Variants in PPP2R5C observed in about 807,000 individuals in gnomAD.
PPP2R5C encodes serine/threonine-protein phosphatase 2A 56 kDa regulatory subunit gamma isoform.
Under a neutral mutation model 68.9 loss-of-function variants are expected in PPP2R5C, and 7 were observed. That is an observed-to-expected ratio of 0.10 (90% CI 0.06 to 0.19). The LOEUF (loss-of-function observed/expected upper bound fraction) is 0.19. Among genes scored for constraint, PPP2R5C ranks in the 10% least tolerant of loss-of-function variants. The probability of loss-of-function intolerance (pLI) is 1.00; values close to 1 mark genes in which losing one functional copy is unlikely to be tolerated. For missense variants in PPP2R5C, 348 were observed against 641.3 expected (o/e 0.54, Z 4.94); for synonymous variants, 210 against 222.2 (o/e 0.95, Z 0.49).
chr14:101,775,824 C>G (rs1222953668), intron 2 of PPP2R5C, among the ~76,000 whole-genome samples: 2 of 152,230 alleles, frequency 1.3e-5, no homozygotes, highest in African/African-American at 4.8e-5. Context: ...TTCCTTGTCT[C>G]CAGACACCCC....
At chr14:101,760,996 C>G (rs1415343504), upstream of PPP2R5C, among the ~76,000 whole-genome samples, 9 of 80,600 alleles carry the variant, frequency 1.1e-4, no homozygotes, top group Non-Finnish European at 1.8e-4. Flanking sequence ...AGGGGACGGG[C>G]TGGTCGAGAG....
intron 1 of PPP2R5C, among the ~76,000 whole-genome samples, chr14:101,827,160 G>A (rs2040450995): frequency 1.3e-5 from 2 of 151,674 alleles, no homozygotes; most frequent in South Asian, 4.2e-4. Context: ...ATTTTTAGTA[G>A]ACACAGAGTT....
At chr14:101,919,969 C>CAAAAAAAAAAAAAAAA (rs34641396) in intron 13 of PPP2R5C, among the ~76,000 whole-genome samples, 11 of 52,870 alleles carry the variant, frequency 2.1e-4, no homozygotes, top group African/African-American at 7.2e-4. Flanking sequence ...AACTCCGTCT[C>CAAAAAAAAAAAAAAAA]AAAAAAAAAA....
chr14:101,908,847 A>G lies in PPP2R5C; in HGVS notation c.1152-742A>G, dbSNP rs751602921. ...TTCTTTTAAGTGTTTTCTAAGTACA[A>G]CTTGGGTTTTATTACAAAGTGGATT... On this transcript the variant is annotated intron_variant, in intron 10 of 13. Transcript: ENST00000334743. 2.6e-5 allele frequency among the ~76,000 whole-genome samples: 4 copies of G among 152,210 alleles called. No homozygotes were observed. The South Asian group carries it at 6.2e-4, about 24-fold the overall frequency.
Position 101,899,067 on chromosome 14 carries a change from G to A in PPP2R5C, c.853-2652G>A, listed in dbSNP as rs1394761213. On this transcript the variant is annotated intron_variant, in intron 8 of 13. Coordinates refer to ENST00000334743, the Ensembl canonical transcript of PPP2R5C. This position sits in a 1 kb window ranked among gnomAD's most constrained non-coding sequence, Gnocchi z 4.2. The stretch of plus-strand genomic sequence containing the variant: ...TAGAAGACTGAGATATGAAGGACAT[G>A]TGTTGCCCCATTTGTAGCCTGTAAT... Among the ~76,000 whole-genome samples the A allele has an allele frequency of 6.6e-6, 1 of 152,224 alleles. No homozygotes were observed. The highest frequency in any genetic ancestry group is 1.5e-5 in the Non-Finnish European group (1 of 68,042).
At chr14:101,795,987 T>C (rs967579326) in intron 3 of PPP2R5C, among the ~76,000 whole-genome samples, 46 of 152,042 alleles carry the variant, frequency 3.0e-4, no homozygotes, top group African/African-American at 1.1e-3. Flanking sequence ...CACGCACAGC[T>C]AATTTTTGTA....
At position 101,835,523 on chromosome 14, in the gene PPP2R5C, C is replaced by T. The variant is rs919037158; in HGVS notation, c.95-21163C>T. Among the ~76,000 whole-genome samples, 1 of 152,206 alleles carries T rather than the reference C, an allele frequency of 6.6e-6. No homozygotes were observed. Among genetic ancestry groups the T allele is most frequent in the Non-Finnish European group, 1.5e-5 (1 of 68,034 alleles). On this transcript the variant is annotated intron_variant, in intron 1 of 13. Transcript: ENST00000334743. The surrounding 1 kb of genome is among the most constrained non-coding windows in gnomAD (Gnocchi z 5.0). ...TCCTTCCCACTTGTCATCTGTAATA[C>T]TGGCTAATGGGAAACCTGGCCCATG... is the stretch of plus-strand genomic sequence containing the variant.
At chr14:101,893,611 A>G (rs57788343) in intron 7 of PPP2R5C, among the ~76,000 whole-genome samples, 5,420 of 152,306 alleles carry the variant, frequency 0.036, 207 homozygotes, top group East Asian at 0.098. Flanking sequence ...CTAGCCGGGC[A>G]TGGTGGCACA....
chr14:101,765,400 G>A (rs1017672060), intron 2 of PPP2R5C: 3 of 619,206 alleles, frequency 4.8e-6, no homozygotes, highest in Non-Finnish European at 8.7e-6. Flanking sequence ...TCAGCTCACT[G>A]CTTCACTTCT....
At chr14:101,792,457 C>G (rs907566210) in intron 3 of PPP2R5C, among the ~76,000 whole-genome samples, 1 of 152,212 alleles carries the variant, frequency 6.6e-6, no homozygotes, top group African/African-American at 2.4e-5. Flanking sequence ...AACATTTACT[C>G]TAACGTTCTT....
At chr14:101,783,834 G>A (rs564450991) in intron 2 of PPP2R5C, among the ~76,000 whole-genome samples, 16 of 152,334 alleles carry the variant, frequency 1.1e-4, no homozygotes, top group South Asian at 2.1e-4. Flanking sequence ...ACTGGAACAC[G>A]CACGTATGTG....
At chr14:101,814,270 A>T (rs1345321030) in intron 1 of PPP2R5C, among the ~76,000 whole-genome samples, 1 of 152,230 alleles carries the variant, frequency 6.6e-6, no homozygotes, top group Non-Finnish European at 1.5e-5. Context: ...TTTACTATGT[A>T]ACTGCAGCTC....
intron 2 of PPP2R5C, among the ~76,000 whole-genome samples, chr14:101,869,606 C>G (rs1033235096): frequency 2.0e-5 from 3 of 152,156 alleles, no homozygotes; most frequent in Non-Finnish European, 4.4e-5. Flanking sequence ...GTCCTTTTAT[C>G]TCATTTTGAT....
intron 2 of PPP2R5C, among the ~76,000 whole-genome samples, chr14:101,770,845 G>A (rs910513609): frequency 1.3e-5 from 2 of 152,264 alleles, no homozygotes; most frequent in African/African-American, 2.4e-5. Flanking sequence ...GGAGCTGAGT[G>A]AGTCAGTCTG....
Position 101,915,988 on chromosome 14 carries a change from C to G in PPP2R5C, c.1327-1843C>G, listed in dbSNP as rs2046645424. On this transcript the variant is annotated intron_variant, in intron 12 of 13. Transcript: ENST00000334743. This position sits in a 1 kb window ranked among gnomAD's most constrained non-coding sequence, Gnocchi z 4.2. The stretch of plus-strand genomic sequence containing the variant: ...GCAGAGGTAGAGAAAAGCAGGGACA[C>G]AGTGGGTGACAGGTGTCGGTCCTGG... Among the ~76,000 whole-genome samples, 1 of 152,096 alleles carries G rather than the reference C, an allele frequency of 6.6e-6. No individual in the cohort carries two copies. Among genetic ancestry groups the G allele is most frequent in the Non-Finnish European group, 1.5e-5 (1 of 68,034 alleles).
chr14:101,863,211 G>A (rs1210946366), intron 2 of PPP2R5C, among the ~76,000 whole-genome samples: 1 of 152,014 alleles, frequency 6.6e-6, no homozygotes. Flanking sequence ...GGGGGTCTGA[G>A]GCAGGAGAAT....
rs967225277 is a variant in PPP2R5C, at chr14:101,877,201, G to A, written c.295-4960G>A. ...TGACCTCAAGTGATCCACCCGCCTCGGCCTCCCAAAGTGCTGGGATTACAG... is the reference window on the plus strand; with the variant it reads ...TGACCTCAAGTGATCCACCCGCCTCAGCCTCCCAAAGTGCTGGGATTACAG... On this transcript the variant is annotated intron_variant, in intron 2 of 13. Coordinates refer to ENST00000334743, the Ensembl canonical transcript of PPP2R5C. This position sits in a 1 kb window ranked among gnomAD's most constrained non-coding sequence, Gnocchi z 4.2. Among the ~76,000 whole-genome samples, 13 of 151,916 alleles carry A rather than the reference G, an allele frequency of 8.6e-5. No homozygotes were observed. The highest frequency in any genetic ancestry group is 2.9e-4 in the African/African-American group (12 of 41,354).
At position 101,915,777 on chromosome 14, in the gene PPP2R5C, A is replaced by G. The variant is rs760194767; in HGVS notation, c.1327-2054A>G. Among the ~76,000 whole-genome samples, 8 of 152,226 alleles carry G rather than the reference A, an allele frequency of 5.3e-5. No individual in the cohort carries two copies. The highest frequency in any genetic ancestry group is 2.6e-4 in the Admixed American group (4 of 15,286). On this transcript the variant is annotated intron_variant, in intron 12 of 13. Transcript: ENST00000334743. The surrounding 1 kb of genome is among the most constrained non-coding windows in gnomAD (Gnocchi z 4.2). ...CAGGGAGCTTACAGTCCATTAGGAG[A>G]GGCAGATGAATTCAGCTCAGATGAT...
At chr14:101,819,004 G>A in intron 1 of PPP2R5C, 1 of 1,550,284 alleles carries the variant, frequency 6.5e-7, no homozygotes, top group Non-Finnish European at 8.7e-7. Flanking sequence ...AACAAGTCCT[G>A]AAGAACCCTC....
Sources: allele counts gnomAD v4.1 joint callset (sites outside exome capture counted in the v4.1 genomes callset), GRCh38; gene constraint gnomAD v4.1.1; non-coding constraint Gnocchi (gnomAD v3.1); transcripts MANE v1.5; gene names NCBI Gene and HGNC (gene_info 2026-07-23, HGNC 2026-07-21).